IL18RAP: variants seen among roughly 807,000 people sequenced by gnomAD.
The protein encoded by IL18RAP is interleukin-18 receptor accessory protein.
IL18RAP carries 37 observed loss-of-function variants against 58.1 expected under a neutral mutation model. The ratio of observed to expected loss-of-function variants is 0.64; its 90% CI spans 0.49 to 0.84. The LOEUF is 0.84. Ranked by LOEUF, IL18RAP falls within the 40% of genes least tolerant of loss-of-function variation. The pLI is 0.00. For missense variants in IL18RAP, 667 were observed against 704.8 expected, an observed-to-expected ratio of 0.95 and a Z score of 0.61; for synonymous variants, 268 against 257.5, an observed-to-expected ratio of 1.04 and a Z score of -0.39.
rs963072882 is a variant in IL18RAP at position 102,428,443 on chromosome 2, A to C, written c.579+4029A>C. On this transcript the variant is annotated intron_variant, in intron 3 of 9. Transcript: ENST00000687160. ...ACCTTCTTGGTTAAATTTATACCCA[A>C]CTATTTTACTATGTTAGTTCCTATG... is the stretch of plus-strand genomic sequence containing the variant. Among the ~76,000 whole-genome samples, 16 of 151,146 alleles carry C rather than the reference A, an allele frequency of 1.1e-4. 1 individual carries two copies. Among genetic ancestry groups the C allele is most frequent in the African/African-American group, 3.6e-4 (15 of 41,216 alleles).
intron 6 of IL18RAP, among the ~76,000 whole-genome samples, chr2:102,443,840 T>C (rs4851583): frequency 0.26 from 39,177 of 152,176 alleles, 5,342 homozygotes; most frequent in East Asian, 0.4. Flanking sequence ...TTGAAATCCT[T>C]GGGAGCTATT....
chr2:102,441,975 T>C (rs1683133734), intron 5 of IL18RAP, among the ~76,000 whole-genome samples: 1 of 152,228 alleles, frequency 6.6e-6, no homozygotes, highest in Non-Finnish European at 1.5e-5. Context: ...GATTTTATTC[T>C]TCCTTAACTT....
intron 8 of IL18RAP, among the ~76,000 whole-genome samples, chr2:102,447,535 G>C (rs972005681): frequency 1.4e-4 from 21 of 151,986 alleles, no homozygotes; most frequent in Non-Finnish European, 2.8e-4. Flanking sequence ...GAAACATGTT[G>C]GACTTAAAAA....
chr2:102,447,734 T>G (rs551461381), intron 8 of IL18RAP, among the ~76,000 whole-genome samples: 2 of 137,394 alleles, frequency 1.5e-5, no homozygotes, highest in African/African-American at 2.6e-5. Context: ...ATGTATTTAT[T>G]TATTTATTTA....
chr2:102,430,615 G>GT (rs997701823), intron 3 of IL18RAP, among the ~76,000 whole-genome samples: 3 of 151,982 alleles, frequency 2.0e-5, no homozygotes, highest in African/African-American at 7.2e-5. Context: ...TGTTTTGTAG[G>GT]TTTTTTGTTA....
chr2:102,441,287 A>T, intron 4 of IL18RAP, 25 bp from the exon 5 acceptor site: 1 of 1,597,962 alleles, frequency 6.3e-7, no homozygotes, highest in Non-Finnish European at 8.6e-7. Context: ...CAATGCAAAT[A>T]GTAATCTTTG....
intron 3 of IL18RAP, chr2:102,435,009 A>T (rs949090204): frequency 9.1e-6 from 1 of 109,460 alleles, no homozygotes; most frequent in Non-Finnish European, 2.2e-5. Context: ...AAAGATAAAT[A>T]TTAGTAAAAA....
At chr2:102,451,590 G>A (rs1486141474) in intron 9 of IL18RAP, among the ~76,000 whole-genome samples, 176 bp from the exon 10 acceptor site, 1 of 152,238 alleles carries the variant, frequency 6.6e-6, no homozygotes, top group Non-Finnish European at 1.5e-5. Flanking sequence ...GGAATGTAAA[G>A]GTGAGGGTCA....
chr2:102,423,449 T>C (rs1338125623), intron 1 of IL18RAP, 102 bp downstream of exon 1: 1 of 997,038 alleles, frequency 1.0e-6, no homozygotes, highest in Non-Finnish European at 1.6e-6. Context: ...AATACAAACC[T>C]TTCCATCCTA....
intron 5 of IL18RAP, 90 bp downstream of exon 5, chr2:102,441,467 G>A: frequency 2.0e-6 from 2 of 1,013,156 alleles, no homozygotes; most frequent in Non-Finnish European, 3.1e-6. Flanking sequence ...GGGATTTCCA[G>A]TCAAACAGAA....
chr2:102,442,554 G>A (rs927404010), intron 5 of IL18RAP, among the ~76,000 whole-genome samples: 4 of 152,144 alleles, frequency 2.6e-5, no homozygotes, highest in African/African-American at 9.6e-5. Flanking sequence ...TATTACCAGT[G>A]GAAAAACGTT....
intron 7 of IL18RAP, among the ~76,000 whole-genome samples, chr2:102,446,411 T>C (rs996011338): frequency 1.1e-4 from 17 of 152,156 alleles, no homozygotes; most frequent in African/African-American, 4.1e-4. Context: ...ACCCGAGCAG[T>C]GTACACTACA....
At chr2:102,432,707 G>T (rs951053440) in intron 3 of IL18RAP, among the ~76,000 whole-genome samples, 6 of 152,188 alleles carry the variant, frequency 3.9e-5, no homozygotes, top group Non-Finnish European at 8.8e-5. Flanking sequence ...GCAGATAACT[G>T]CTGACCTGCC....
At position 102,423,301 on chromosome 2, in the gene IL18RAP, T is replaced by C. The variant is rs1311079344; in HGVS notation, c.24T>C (p.Phe8=). 6.2e-7 allele frequency: 1 copy of C among 1,614,146 alleles called. No individual in the cohort carries two copies. The highest frequency in any genetic ancestry group is 2.2e-5 in the East Asian group (1 of 44,890). ...CAATGCTCTGTTTGGGCTGGATATT[T>C]CTTTGGCTTGTTGCAGGAGAGCGAA... is the stretch of plus-strand genomic sequence containing the variant. MLCLGWI[F]LWLVAGERIK... is the part of the protein sequence containing the mutation. The change falls in exon 1 of 10, where the codon TTT becomes TTC. Residue 8 remains phenylalanine (F), a synonymous_variant. Transcript: ENST00000687160.
rs758711609 is a variant in IL18RAP, at chr2:102,445,190, A to G, written c.922A>G (p.Ile308Val). The change falls in exon 7 of 10, where the codon ATT (isoleucine) becomes GTT (valine). Residue 308 changes from isoleucine (I) to valine (V), a missense_variant and splice_region_variant. By Grantham distance (29) the Ile-to-Val change is conservative. Coordinates refer to ENST00000687160, the MANE Select transcript of IL18RAP (RefSeq NM_001393487.1). ...GTGGTATTTTTTCTCCTTTCTCAGT[A>G]TTAAATCCACTTTAAAGGATGAAAT... ...WEVSVPEAKS[I>V]KSTLKDEIIE... 3.1e-6 allele frequency: 5 copies of G among 1,613,650 alleles called. No individual in the cohort carries two copies. In the South Asian group the frequency reaches 5.5e-5, roughly 18 times the overall value.
intron 6 of IL18RAP, among the ~76,000 whole-genome samples, chr2:102,444,790 C>G (rs1179101168): frequency 6.6e-6 from 1 of 152,130 alleles, no homozygotes; most frequent in Non-Finnish European, 1.5e-5. Context: ...CTATTATACT[C>G]TAGGGTTCCT....
chr2:102,440,625 AGC>A (rs1181054193), intron 4 of IL18RAP: 23 of 124,646 alleles, frequency 1.8e-4, no homozygotes, highest in Non-Finnish European at 1.6e-4. Flanking sequence ...GCCCAGAGAA[AGC>A]GAGAGAGAGA....
At chr2:102,450,744 AT>A in intron 8 of IL18RAP, 103 bp from the exon 9 acceptor site, 1 of 600,442 alleles carries the variant, frequency 1.7e-6, no homozygotes, top group South Asian at 4.5e-5. Context: ...CCCAAATATT[AT>A]TTCTTATTCA....
At chr2:102,421,136 G>A (rs767193609), upstream of IL18RAP, among the ~76,000 whole-genome samples, 44 of 152,328 alleles carry the variant, frequency 2.9e-4, no homozygotes, top group Non-Finnish European at 5.3e-4. Context: ...GACTCAGAAA[G>A]ACAAACTCAG....
Sources: allele counts gnomAD v4.1 joint callset (sites outside exome capture counted in the v4.1 genomes callset), GRCh38; gene constraint gnomAD v4.1.1; transcripts MANE v1.5; gene names NCBI Gene and HGNC (gene_info 2026-07-23, HGNC 2026-07-21).